LGSN: variants seen among roughly 807,000 people sequenced by gnomAD.
LGSN encodes lengsin, lens protein with glutamine synthetase domain.
A neutral mutation model predicts 19.5 loss-of-function variants in LGSN; 21 were observed. The ratio of observed to expected loss-of-function variants is 1.07; its 90% CI spans 0.76 to 1.55. The LOEUF (loss-of-function observed/expected upper bound fraction) is 1.55, where lower values mean the gene tolerates loss of function less well. Ranked by LOEUF, LGSN falls within the 40% of genes most tolerant of loss-of-function variation. LGSN has a pLI of 0.00. For synonymous variants in LGSN, 257 were observed against 215.6 expected, an observed-to-expected ratio of 1.19 and a Z score of -1.68; for missense variants, 673 against 608.5, an observed-to-expected ratio of 1.11 and a Z score of -1.12.
chr6:63,541,510 G>A, the LGSN span, among the ~76,000 whole-genome samples: 6 of 152,154 alleles, frequency 3.9e-5, no homozygotes, highest in African/African-American at 9.6e-5. Context: ...CCAAGATCTC[G>A]CCATTGCACT....
chr6:63,524,956 G>A, the LGSN span, among the ~76,000 whole-genome samples: 9 of 152,180 alleles, frequency 5.9e-5, no homozygotes, highest in Admixed American at 4.6e-4. Flanking sequence ...ACTTAAGAAA[G>A]TAAAATTAAT....
At chr6:63,456,127 G>C in the LGSN span, among the ~76,000 whole-genome samples, 2 of 151,732 alleles carry the variant, frequency 1.3e-5, no homozygotes, top group African/African-American at 4.8e-5. Context: ...CTACCTGGGA[G>C]GCTGAGGCAG....
chr6:63,396,329 TG>T, the LGSN span: 2 of 227,516 alleles, frequency 8.8e-6, no homozygotes, highest in Non-Finnish European at 9.0e-6. Flanking sequence ...AATTCTGGCC[TG>T]GTCTCAGGCT....
chr6:63,569,598 T>A, the LGSN span, among the ~76,000 whole-genome samples: 1 of 152,240 alleles, frequency 6.6e-6, no homozygotes, highest in South Asian at 2.1e-4. Context: ...CTAGTCTTAT[T>A]TCCCAACTGC....
chr6:63,433,703 A>G, the LGSN span, among the ~76,000 whole-genome samples: 1 of 152,242 alleles, frequency 6.6e-6, no homozygotes. Context: ...CTCTCTCTTC[A>G]AAGTAATTCT....
chr6:63,547,663 G>A, the LGSN span, among the ~76,000 whole-genome samples: 4 of 150,998 alleles, frequency 2.6e-5, no homozygotes, highest in Non-Finnish European at 4.4e-5. Context: ...CCACCACCAC[G>A]CCTGGCTAAT....
At chr6:63,405,596 A>C in the LGSN span, among the ~76,000 whole-genome samples, 1 of 152,234 alleles carries the variant, frequency 6.6e-6, no homozygotes, top group Admixed American at 6.5e-5. Context: ...TGGCTGCATA[A>C]ATGTCTTCTT....
the LGSN span, among the ~76,000 whole-genome samples, chr6:63,479,847 A>G: frequency 6.6e-6 from 1 of 152,194 alleles, no homozygotes; most frequent in Non-Finnish European, 1.5e-5. Context: ...CAAAGTCTAA[A>G]TCACCTATTT....
chr6:63,372,026 T>G, the LGSN span, among the ~76,000 whole-genome samples: 1 of 152,216 alleles, frequency 6.6e-6, no homozygotes, highest in African/African-American at 2.4e-5. Context: ...CCAATCTGGG[T>G]CTTCCTTGAG....
chr6:63,505,564 AAAAAGAAAGAAAG>A, the LGSN span, among the ~76,000 whole-genome samples: 2 of 95,190 alleles, frequency 2.1e-5, 1 homozygote, highest in Non-Finnish European at 4.3e-5. Flanking sequence ...AAAAAAAAAA[AAAAAGAAAGAAAG>A]AAAGAAAGAA....
chr6:63,330,299 G>C, the LGSN span, among the ~76,000 whole-genome samples: 2 of 152,128 alleles, frequency 1.3e-5, no homozygotes, highest in South Asian at 4.1e-4. Flanking sequence ...AGATTTGTTT[G>C]TCTGAGGGAC....
the LGSN span, chr6:63,572,316 T>C: frequency 4.9e-5 from 11 of 225,552 alleles, no homozygotes; most frequent in Non-Finnish European, 9.5e-5. Context: ...TAGCCATTCA[T>C]CAACCGGTTC....
At chr6:63,412,508 AAGAAAGAAAG>A in the LGSN span, among the ~76,000 whole-genome samples, 21 of 118,030 alleles carry the variant, frequency 1.8e-4, no homozygotes, top group African/African-American at 8.0e-4. Context: ...GAAAGAAAGA[AAGAAAGAAAG>A]AAAGAAAGAA....
the LGSN span, among the ~76,000 whole-genome samples, chr6:63,343,892 T>C: frequency 6.6e-6 from 1 of 152,174 alleles, no homozygotes; most frequent in Non-Finnish European, 1.5e-5. Context: ...GAACCATTGC[T>C]GGCTTGAAGA....
the LGSN span, among the ~76,000 whole-genome samples, chr6:63,383,655 AG>A: frequency 2.6e-5 from 4 of 152,178 alleles, no homozygotes; most frequent in African/African-American, 9.7e-5. Flanking sequence ...GACACAGACA[AG>A]TCATATACTA....
chr6:63,405,933 C>T, the LGSN span, among the ~76,000 whole-genome samples: 1 of 152,018 alleles, frequency 6.6e-6, no homozygotes, highest in African/African-American at 2.4e-5. Context: ...ACAAAGAAGG[C>T]CATTACATAA....
chr6:63,508,850 T>C, the LGSN span, among the ~76,000 whole-genome samples: 2 of 141,432 alleles, frequency 1.4e-5, no homozygotes, highest in East Asian at 4.3e-4. Context: ...ACCCAGGAGG[T>C]GGAGGTTGCA....
At chr6:63,373,964 G>T in the LGSN span, among the ~76,000 whole-genome samples, 1 of 152,074 alleles carries the variant, frequency 6.6e-6, no homozygotes, top group Non-Finnish European at 1.5e-5. Flanking sequence ...GGGGTGGCGG[G>T]GGAGTGGCAT....
chr6:63,492,744 A>G, the LGSN span, among the ~76,000 whole-genome samples: 1 of 152,240 alleles, frequency 6.6e-6, no homozygotes, highest in Non-Finnish European at 1.5e-5. Context: ...GTTGCCCAGT[A>G]AATACACATC....
Sources: gnomAD v4.1 joint callset for allele counts (sites outside exome capture counted in the v4.1 genomes callset) on GRCh38, gnomAD v4.1.1 for gene constraint, MANE v1.5 for transcripts, NCBI Gene and HGNC (gene_info 2026-07-23, HGNC 2026-07-21) for gene names.